The following DMRT1 variants were observed in gnomAD, a reference collection of about 807,000 sequenced individuals.
DMRT1 encodes doublesex- and mab-3-related transcription factor 1.
A neutral mutation model predicts 32.3 loss-of-function variants in DMRT1; 7 were observed. The ratio of observed to expected loss-of-function variants is 0.22; its 90% confidence interval spans 0.12 to 0.41. The LOEUF is 0.41. Among genes scored for constraint, DMRT1 ranks in the 10% least tolerant of loss-of-function variants. DMRT1 has a pLI of 1.00. For missense variants in DMRT1, 625 were observed against 500.5 expected, an observed-to-expected ratio of 1.25 and a Z score of -2.37; for synonymous variants, 278 against 206.1, an observed-to-expected ratio of 1.35 and a Z score of -2.99.
At chr9:849,474 C>T (rs920496294) in intron 2 of DMRT1, among the ~76,000 whole-genome samples, 3 of 152,166 alleles carry the variant, frequency 2.0e-5, no homozygotes, top group African/African-American at 7.2e-5. Flanking sequence ...GGCATAACAT[C>T]AAGGTTTGAT....
At chr9:887,594 G>A (rs751667944) in intron 2 of DMRT1, among the ~76,000 whole-genome samples, 5 of 152,086 alleles carry the variant, frequency 3.3e-5, no homozygotes, top group Admixed American at 6.6e-5. Flanking sequence ...TGGCTGGAGC[G>A]CGTCTTGTCC....
intron 4 of DMRT1, among the ~76,000 whole-genome samples, chr9:919,046 A>G (rs771203464): frequency 6.6e-6 from 1 of 152,176 alleles, no homozygotes; most frequent in Non-Finnish European, 1.5e-5. Context: ...TAGAGACAGG[A>G]AATGATGGGT....
intron 2 of DMRT1, among the ~76,000 whole-genome samples, chr9:865,285 C>G (rs1248742290): frequency 2.0e-5 from 3 of 152,112 alleles, no homozygotes; most frequent in African/African-American, 7.2e-5. Context: ...AGTCAAAAGA[C>G]CTGGCTCAGT....
intron 2 of DMRT1, among the ~76,000 whole-genome samples, chr9:876,201 G>T (rs1480553408): frequency 6.6e-6 from 1 of 152,170 alleles, no homozygotes; most frequent in African/African-American, 2.4e-5. Flanking sequence ...GTTAGCAGCA[G>T]CTGGCAGTGA....
chr9:857,941 A>G (rs201927710), intron 2 of DMRT1, among the ~76,000 whole-genome samples: 4 of 151,698 alleles, frequency 2.6e-5, no homozygotes, highest in African/African-American at 9.7e-5. Context: ...CCATGTCCCT[A>G]CAAAGGACAT....
intron 2 of DMRT1, among the ~76,000 whole-genome samples, chr9:859,744 C>T (rs1815571141): frequency 6.6e-6 from 1 of 152,136 alleles, no homozygotes; most frequent in Non-Finnish European, 1.5e-5. Flanking sequence ...ACTGAACATG[C>T]TTTCCAGAAA....
intron 4 of DMRT1, among the ~76,000 whole-genome samples, chr9:920,430 T>G (rs958608785): frequency 6.6e-6 from 1 of 152,140 alleles, no homozygotes; most frequent in Non-Finnish European, 1.5e-5. Context: ...AGTGCTGATA[T>G]GTCAAATGAG....
chr9:957,436 T>A (rs886585315), intron 4 of DMRT1, among the ~76,000 whole-genome samples: 3 of 152,222 alleles, frequency 2.0e-5, no homozygotes, highest in Admixed American at 2.0e-4. Context: ...AAATATTATT[T>A]CAGAAAAGCC....
chr9:967,012 T>G (rs1819950487), intron 4 of DMRT1, among the ~76,000 whole-genome samples: 1 of 152,198 alleles, frequency 6.6e-6, no homozygotes, highest in Non-Finnish European at 1.5e-5. Flanking sequence ...GGCAGTTAGT[T>G]ACACAAACAT....
intron 3 of DMRT1, among the ~76,000 whole-genome samples, chr9:900,284 G>C (rs920460253): frequency 6.6e-6 from 1 of 152,190 alleles, no homozygotes; most frequent in African/African-American, 2.4e-5. Context: ...GGGTGGAAGG[G>C]TTGGGAAGGG....
At chr9:946,182 A>G (rs1032605546) in intron 4 of DMRT1, among the ~76,000 whole-genome samples, 3 of 150,112 alleles carry the variant, frequency 2.0e-5, no homozygotes, top group Non-Finnish European at 4.4e-5. Context: ...CTCCTTGTGC[A>G]ATTGTGCTGG....
intron 4 of DMRT1, among the ~76,000 whole-genome samples, chr9:921,668 A>C (rs938909396): frequency 2.0e-5 from 3 of 152,168 alleles, no homozygotes; most frequent in African/African-American, 7.2e-5. Flanking sequence ...CATTTAAAAA[A>C]ACAGTTTCCA....
At chr9:873,296 A>T (rs942217108) in intron 2 of DMRT1, among the ~76,000 whole-genome samples, 20 of 149,692 alleles carry the variant, frequency 1.3e-4, no homozygotes, top group African/African-American at 4.6e-4. Context: ...ATTGTAAAAC[A>T]CATTTCTATA....
intron 4 of DMRT1, among the ~76,000 whole-genome samples, chr9:919,383 T>A (rs896922734): frequency 7.9e-6 from 1 of 126,696 alleles, no homozygotes; most frequent in African/African-American, 3.1e-5. Context: ...GGGTTTGCTA[T>A]AAAGCTGGCA....
chr9:872,669 T>G (rs561684655), intron 2 of DMRT1, among the ~76,000 whole-genome samples: 1 of 152,246 alleles, frequency 6.6e-6, no homozygotes, highest in Non-Finnish European at 1.5e-5. Flanking sequence ...GACTTCTTTT[T>G]ATTACTTATC....
intron 3 of DMRT1, among the ~76,000 whole-genome samples, chr9:915,667 T>C (rs1394834241): frequency 6.6e-6 from 1 of 152,216 alleles, no homozygotes; most frequent in African/African-American, 2.4e-5. Context: ...ATTGTGCTAA[T>C]GTCCACAGCT....
At chr9:908,150 T>C (rs1817844829) in intron 3 of DMRT1, among the ~76,000 whole-genome samples, 2 of 152,132 alleles carry the variant, frequency 1.3e-5, no homozygotes, top group Non-Finnish European at 2.9e-5. Flanking sequence ...CTATCCTTAA[T>C]GGGTATTCAG....
intron 3 of DMRT1, among the ~76,000 whole-genome samples, chr9:905,646 C>G (rs1298614031): frequency 1.3e-5 from 2 of 152,160 alleles, no homozygotes; most frequent in East Asian, 3.9e-4. Flanking sequence ...GTGCCCCGTT[C>G]TCCCGTTGAC....
chr9:894,327 TAC>T (rs930417850), intron 3 of DMRT1, 132 bp downstream of exon 3: 7 of 935,542 alleles, frequency 7.5e-6, no homozygotes, highest in Non-Finnish European at 1.0e-5. Context: ...CACACACAGG[TAC>T]ACACACATAT....
Sources: gnomAD v4.1 joint callset for allele counts (sites outside exome capture counted in the v4.1 genomes callset) on GRCh38, gnomAD v4.1.1 for gene constraint, MANE v1.5 for transcripts, NCBI Gene and HGNC (gene_info 2026-07-23, HGNC 2026-07-21) for gene names.